TENM4: variants seen among roughly 807,000 people sequenced by gnomAD.
TENM4 encodes teneurin-4.
A neutral mutation model predicts 243.3 loss-of-function variants in TENM4; 82 were observed. The ratio of observed to expected loss-of-function variants is 0.34; its 90% CI spans 0.28 to 0.40. The LOEUF is 0.40. Ranked by LOEUF, TENM4 falls within the 10% of genes least tolerant of loss-of-function variation. The probability of loss-of-function intolerance (pLI) is 1.00; values close to 1 mark genes in which losing one functional copy is unlikely to be tolerated. For synonymous variants in TENM4, 1,412 were observed against 1,456.3 expected (o/e 0.97, Z 0.69); for missense variants, 3,138 against 3,673.3 (o/e 0.85, Z 3.77).
chr11:79,337,368 C>T (rs1276648310), intron 1 of TENM4, among the ~76,000 whole-genome samples: 3 of 152,160 alleles, frequency 2.0e-5, no homozygotes, highest in Non-Finnish European at 4.4e-5. Context: ...GTGATCGTGC[C>T]TCACCGTGAT....
Position 78,770,985 on chromosome 11 carries a change from GC to G in TENM4, c.2539+6del. 1 of 1,578,950 alleles carries G rather than the reference GC, an allele frequency of 6.3e-7. No individual in the cohort carries two copies. Among genetic ancestry groups the G allele is most frequent in the Non-Finnish European group, 8.6e-7 (1 of 1,162,310 alleles). On this transcript the variant is annotated splice_donor_region_variant and intron_variant, in intron 18 of 33. Transcript: ENST00000278550. ...CCGCCTGGAGCCCATGGGTGCCAGA[GC>G]CCTACCTCCATCATTGTCTTTGCTG...
intron 9 of TENM4, among the ~76,000 whole-genome samples, chr11:78,887,824 C>T (rs1855578967): frequency 6.6e-6 from 1 of 152,246 alleles, no homozygotes; most frequent in Non-Finnish European, 1.5e-5. Flanking sequence ...TAAACACTTA[C>T]TCTTTCTCAC....
At chr11:78,987,860 T>TA (rs149133383) in intron 6 of TENM4, among the ~76,000 whole-genome samples, 6,662 of 152,186 alleles carry the variant, frequency 0.044, 440 homozygotes, top group African/African-American at 0.14. Context: ...AAACTGACGG[T>TA]AAGGCAGGTT....
rs186464449 is a variant in TENM4 at position 79,201,036 on chromosome 11, A to C, written c.-163+14772T>G. On this transcript the variant is annotated intron_variant, in intron 3 of 33. Transcript: ENST00000278550. ...GTTCGTGCTGCAGAGGGTCTGCAGG[A>C]AGAATCTTTTGTTCCAACTGGTACA... Among the ~76,000 whole-genome samples, 543 of 152,334 alleles carry C rather than the reference A, an allele frequency of 3.6e-3. 8 individuals carry two copies. The South Asian group carries it at 0.041, about 11-fold the overall frequency.
chr11:78,961,539 C>G (rs1857321112), intron 6 of TENM4, among the ~76,000 whole-genome samples: 1 of 152,238 alleles, frequency 6.6e-6, no homozygotes, highest in Non-Finnish European at 1.5e-5. Flanking sequence ...CCCAGTGGCT[C>G]TCTCTGCAGC....
At chr11:79,314,551 T>G (rs1422842037) in intron 1 of TENM4, among the ~76,000 whole-genome samples, 1 of 152,212 alleles carries the variant, frequency 6.6e-6, no homozygotes, top group Admixed American at 6.5e-5. Flanking sequence ...ACAGTTCTGT[T>G]GTGAGTACTC....
At chr11:78,829,220 C>T (rs1857923887) in intron 12 of TENM4, among the ~76,000 whole-genome samples, 3 of 152,212 alleles carry the variant, frequency 2.0e-5, no homozygotes, top group Admixed American at 2.0e-4. Flanking sequence ...AAGTCTCTGA[C>T]TGCCCCTCAG....
chr11:79,210,182 T>G (rs980185506), intron 3 of TENM4, among the ~76,000 whole-genome samples: 1 of 152,196 alleles, frequency 6.6e-6, no homozygotes, highest in African/African-American at 2.4e-5. Context: ...TGCACTGTCC[T>G]AACTCCTTTG....
At chr11:78,783,373 G>A (rs571425202) in intron 16 of TENM4, among the ~76,000 whole-genome samples, 15 of 152,310 alleles carry the variant, frequency 9.8e-5, no homozygotes, top group African/African-American at 3.6e-4. Context: ...TTTCATATAT[G>A]CAAGTGGGAG....
chr11:79,354,221 G>A (rs1338365521), intron 1 of TENM4, among the ~76,000 whole-genome samples: 3 of 152,200 alleles, frequency 2.0e-5, no homozygotes, highest in Non-Finnish European at 4.4e-5. Context: ...TATTATAAAC[G>A]TTATTTTAAG....
intron 12 of TENM4, among the ~76,000 whole-genome samples, chr11:78,838,664 C>A (rs1446741973): frequency 6.6e-6 from 1 of 152,050 alleles, no homozygotes; most frequent in Non-Finnish European, 1.5e-5. Context: ...AGGCCAGGTA[C>A]ATGTAAGAAA....
intron 18 of TENM4, among the ~76,000 whole-genome samples, chr11:78,769,780 G>T (rs1270521031): frequency 6.6e-6 from 1 of 152,248 alleles, no homozygotes; most frequent in Non-Finnish European, 1.5e-5. Flanking sequence ...GATTTAGGCA[G>T]CAGGTGGAAG....
chr11:79,324,079 C>G (rs77853659), intron 1 of TENM4, among the ~76,000 whole-genome samples: 1,952 of 152,278 alleles, frequency 0.013, 47 homozygotes, highest in African/African-American at 0.045. Context: ...AACCTACACA[C>G]ATCTTCCTGT....
chr11:78,977,105 C>T (rs532676981), intron 6 of TENM4, among the ~76,000 whole-genome samples: 19 of 152,316 alleles, frequency 1.2e-4, no homozygotes, highest in African/African-American at 4.1e-4. Context: ...CTCTTCCTAG[C>T]GCTAGTGGGT....
chr11:79,264,601 G>A (rs1237240471), intron 2 of TENM4, among the ~76,000 whole-genome samples: 1 of 152,122 alleles, frequency 6.6e-6, no homozygotes, highest in Non-Finnish European at 1.5e-5. Context: ...TCAGTGGGTT[G>A]GGATTAGGAG....
chr11:79,355,531 TC>T (rs1353996967), intron 1 of TENM4, among the ~76,000 whole-genome samples: 1 of 152,146 alleles, frequency 6.6e-6, no homozygotes, highest in East Asian at 1.9e-4. Flanking sequence ...AGACTCCATC[TC>T]CAAACAAACA....
At chr11:78,779,019 G>A (rs1262870056) in intron 16 of TENM4, among the ~76,000 whole-genome samples, 1 of 152,248 alleles carries the variant, frequency 6.6e-6, no homozygotes, top group Non-Finnish European at 1.5e-5. Context: ...ACTCAGAGCA[G>A]CATCCAACCT....
chr11:78,960,923 A>AGG (rs1857306911), intron 6 of TENM4, among the ~76,000 whole-genome samples: 1 of 152,022 alleles, frequency 6.6e-6, no homozygotes, highest in Admixed American at 6.6e-5. Flanking sequence ...AACAGTTACC[A>AGG]CACTCCTTCT....
intron 17 of TENM4, 129 bp downstream of exon 17, chr11:78,778,473 G>T: frequency 1.0e-6 from 1 of 1,004,014 alleles, no homozygotes; most frequent in Non-Finnish European, 1.5e-6. Flanking sequence ...CAAAACTGGG[G>T]ATGCATTAGC....
Sources: allele counts gnomAD v4.1 joint callset (sites outside exome capture counted in the v4.1 genomes callset), GRCh38; gene constraint gnomAD v4.1.1; transcripts MANE v1.5; gene names NCBI Gene and HGNC (gene_info 2026-07-23, HGNC 2026-07-21).